IKZF3: variants seen among roughly 807,000 people sequenced by gnomAD.
IKZF3 encodes IKAROS family zinc finger 3.
Under a neutral mutation model 49.0 loss-of-function variants are expected in IKZF3, and 10 were observed. The observed-to-expected ratio is 0.20, with a 90% CI of 0.13 to 0.35. IKZF3 has a LOEUF of 0.35. Among genes scored for constraint, IKZF3 ranks in the 10% least tolerant of loss-of-function variants. The probability of loss-of-function intolerance (pLI) is 1.00; values close to 1 mark genes in which losing one functional copy is unlikely to be tolerated. For missense variants in IKZF3, 498 were observed against 664.8 expected, an observed-to-expected ratio of 0.75 and a Z score of 2.76; for synonymous variants, 209 against 228.2, an observed-to-expected ratio of 0.92 and a Z score of 0.76.
intron 7 of IKZF3, among the ~76,000 whole-genome samples, chr17:39,771,144 T>C (rs2060430445): frequency 6.6e-6 from 1 of 152,242 alleles, no homozygotes; most frequent in African/African-American, 2.4e-5. Context: ...TGATGTTTCC[T>C]GGCTGCTACC....
intron 1 of IKZF3, among the ~76,000 whole-genome samples, chr17:39,858,055 C>T (rs1468918610): frequency 6.6e-6 from 1 of 150,496 alleles, no homozygotes; most frequent in African/African-American, 2.4e-5. Context: ...ACAAAATAAA[C>T]AAGAAACTTA....
chr17:39,776,590 A>T (rs1004138914), intron 7 of IKZF3, among the ~76,000 whole-genome samples: 1 of 152,256 alleles, frequency 6.6e-6, no homozygotes, highest in Non-Finnish European at 1.5e-5. Context: ...AAAATAAAAT[A>T]AGTAGGCAGA....
chr17:39,849,914 A>C (rs150962440), intron 1 of IKZF3, among the ~76,000 whole-genome samples: 3 of 151,558 alleles, frequency 2.0e-5, no homozygotes, highest in African/African-American at 7.3e-5. Context: ...AGACATTGCT[A>C]GTGGGAGGGT....
intron 1 of IKZF3, among the ~76,000 whole-genome samples, chr17:39,838,246 T>A (rs2062358826): frequency 6.6e-6 from 1 of 152,314 alleles, no homozygotes; most frequent in South Asian, 2.1e-4. Context: ...CAATTATATG[T>A]GTGTTAGATC....
At position 39,765,732 on chromosome 17, in the gene IKZF3, G is replaced by T; in HGVS notation, c.*58C>A. 2.3e-6 allele frequency: 3 copies of T among 1,310,772 alleles called. No homozygotes were observed. The highest frequency in any genetic ancestry group is 2.3e-5 in the East Asian group (1 of 42,936). 81.2% of individuals were successfully genotyped at this position (1,310,772 alleles called of 1,614,324 possible). ...TTTTGAGAGCAATCTGTTAGGCGAGGTCATTGGTTTTTAGAAACGATGCTG... is the reference window on the plus strand; with the variant it reads ...TTTTGAGAGCAATCTGTTAGGCGAGTTCATTGGTTTTTAGAAACGATGCTG... On this transcript the variant is annotated 3_prime_UTR_variant, in exon 8 of 8. Transcript: ENST00000346872.
In IKZF3 at chr17:39,765,664, C is replaced by T; in HGVS notation, c.*126G>A. The T allele has an allele frequency of 1.5e-6, 1 of 676,126 alleles. No individual in the cohort carries two copies. Among genetic ancestry groups the T allele is most frequent in the Non-Finnish European group, 2.5e-6 (1 of 403,204 alleles). 41.9% of individuals were successfully genotyped at this position (676,126 alleles called of 1,614,324 possible). On this transcript the variant is annotated 3_prime_UTR_variant, in exon 8 of 8. Coordinates refer to ENST00000346872, the MANE Select transcript of IKZF3 (RefSeq NM_012481.5). ...GTGTTTCCCTGGCTACCCCTGTGAA[C>T]ACAGCTAAAAATGGTATGAAAAGAA... is the stretch of plus-strand genomic sequence containing the variant.
chr17:39,838,744 A>G (rs1457748912), intron 1 of IKZF3, among the ~76,000 whole-genome samples: 4 of 152,200 alleles, frequency 2.6e-5, no homozygotes, highest in Non-Finnish European at 5.9e-5. Context: ...ATATGACCAC[A>G]TAATTTTGGA....
At chr17:39,847,875 C>G (rs1010988965) in intron 1 of IKZF3, among the ~76,000 whole-genome samples, 3 of 152,164 alleles carry the variant, frequency 2.0e-5, no homozygotes, top group African/African-American at 4.8e-5. Flanking sequence ...TTGAGTTTTA[C>G]TGTTGCTTCA....
chr17:39,864,072 T>C lies in IKZF3; in HGVS notation c.7+48A>G, dbSNP rs779548038. On this transcript the variant is annotated intron_variant, in intron 1 of 7. Transcript: ENST00000346872. The stretch of plus-strand genomic sequence containing the variant: ...AAACTCTTTCTACTGCTTGCACAGG[T>C]TAAGTTTCTCAAAGACCCCGGAGAA... 94 of 1,611,408 alleles carry C rather than the reference T, an allele frequency of 5.8e-5. No individual in the cohort carries two copies. The East Asian group carries it at 2.1e-3, about 35-fold the overall frequency.
rs183574812 is a variant in IKZF3, at chr17:39,833,554, C to A, written c.8-1403G>T. 1.0e-3 allele frequency among the ~76,000 whole-genome samples: 154 copies of A among 152,258 alleles called. 2 individuals are homozygous for A. Among genetic ancestry groups the A allele is most frequent in the African/African-American group, 3.5e-3 (146 of 41,554 alleles). Reference sequence around the variant, plus strand: ...TATTTTGCCCGAGGCTTCTTTCACTCAACATAATGTTTTGAGATACATCCA... The same window carrying A: ...TATTTTGCCCGAGGCTTCTTTCACTAAACATAATGTTTTGAGATACATCCA... On this transcript the variant is annotated intron_variant, in intron 1 of 7. Transcript: ENST00000346872.
chr17:39,787,303 T>C (rs1365166946), intron 6 of IKZF3, among the ~76,000 whole-genome samples: 1 of 152,200 alleles, frequency 6.6e-6, no homozygotes, highest in South Asian at 2.1e-4. Context: ...AAAACCACAA[T>C]TGAGATATAG....
intron 1 of IKZF3, among the ~76,000 whole-genome samples, chr17:39,853,795 A>G (rs541136123): frequency 2.3e-4 from 35 of 149,468 alleles, no homozygotes; most frequent in Non-Finnish European, 3.8e-4. Flanking sequence ...AGATCGCACC[A>G]TTCCACTCCA....
At chr17:39,832,193 A>G (rs2062129278) in intron 1 of IKZF3, 42 bp from the exon 2 acceptor site, 1 of 1,460,886 alleles carries the variant, frequency 6.8e-7, no homozygotes, top group Non-Finnish European at 9.6e-7. Context: ...CTTAGGGTAC[A>G]TTTCTACAGG....
intron 1 of IKZF3, among the ~76,000 whole-genome samples, chr17:39,848,192 C>T (rs2062689484): frequency 6.6e-6 from 1 of 151,844 alleles, no homozygotes; most frequent in Non-Finnish European, 1.5e-5. Context: ...TCTTCCTACC[C>T]TCCCCCTTTA....
chr17:39,783,139 C>T (rs2060786638), intron 6 of IKZF3, among the ~76,000 whole-genome samples: 1 of 152,152 alleles, frequency 6.6e-6, no homozygotes, highest in African/African-American at 2.4e-5. Context: ...AGAGGTATTG[C>T]TTCCTGTCTC....
At chr17:39,826,545 A>G (rs970798178) in intron 3 of IKZF3, among the ~76,000 whole-genome samples, 11 of 152,234 alleles carry the variant, frequency 7.2e-5, no homozygotes, top group African/African-American at 2.2e-4. Context: ...GCCATGTGGT[A>G]AGGCAAGAGT....
Position 39,761,858 on chromosome 17 carries a change from T to A in IKZF3, c.*3932A>T, listed in dbSNP as rs777304592. ...TAGCTGGGATTACAGGCATGTGCCA[T>A]CACGCCCGGCTAATTTTGTATTTTT... On this transcript the variant is annotated 3_prime_UTR_variant, in exon 8 of 8. Coordinates refer to ENST00000346872, the MANE Select transcript of IKZF3 (RefSeq NM_012481.5). 3 of 152,266 alleles carry A rather than the reference T, an allele frequency of 2.0e-5. No homozygotes were observed. The highest frequency in any genetic ancestry group is 4.4e-5 in the Non-Finnish European group (3 of 68,122). 9.4% of individuals were successfully genotyped at this position (152,266 alleles called of 1,614,324 possible). A position where few individuals can be genotyped will look rare whatever the true frequency, so the allele number is the denominator to read the frequency against.
chr17:39,813,239 T>C (rs2061602957), intron 3 of IKZF3, among the ~76,000 whole-genome samples: 1 of 151,908 alleles, frequency 6.6e-6, no homozygotes, highest in Admixed American at 6.6e-5. Flanking sequence ...TGTGGCTCTT[T>C]GGCAGATGTC....
chr17:39,809,772 C>A (rs1314752904), intron 3 of IKZF3, among the ~76,000 whole-genome samples: 4 of 152,014 alleles, frequency 2.6e-5, no homozygotes, highest in Non-Finnish European at 5.9e-5. Context: ...TCTGAATAAG[C>A]AAGGAATAAA....
Sources: allele counts gnomAD v4.1 joint callset (sites outside exome capture counted in the v4.1 genomes callset), GRCh38; gene constraint gnomAD v4.1.1; transcripts MANE v1.5; gene names NCBI Gene and HGNC (gene_info 2026-07-23, HGNC 2026-07-21).